Variants in CADM2 observed in about 807,000 individuals in gnomAD.
CADM2 encodes the protein immunoglobulin superfamily member 4D.
In CADM2, 12 loss-of-function variants were observed where a neutral mutation model predicts 49.8. The observed-to-expected ratio is 0.24, with a 90% CI of 0.15 to 0.39. The LOEUF (loss-of-function observed/expected upper bound fraction) is 0.39. CADM2 is among the 10% of genes least tolerant of loss of function. CADM2 has a pLI of 1.00. For missense variants in CADM2, 378 were observed against 492.3 expected, an observed-to-expected ratio of 0.77 and a Z score of 2.20; for synonymous variants, 214 against 175.4, an observed-to-expected ratio of 1.22 and a Z score of -1.74.
chr3:85,769,642 T>A (rs951793630), intron 2 of CADM2, among the ~76,000 whole-genome samples: 1 of 132,852 alleles, frequency 7.5e-6, no homozygotes, highest in Admixed American at 7.7e-5. Flanking sequence ...TACACATATA[T>A]ACATATATAC....
chr3:85,987,277 C>T (rs1408933000), intron 8 of CADM2, among the ~76,000 whole-genome samples: 2 of 152,012 alleles, frequency 1.3e-5, no homozygotes, highest in South Asian at 2.1e-4. Flanking sequence ...TAATTTAAAA[C>T]ATCAAACATT....
At chr3:85,468,573 G>T (rs2038624201) in intron 1 of CADM2, among the ~76,000 whole-genome samples, 1 of 138,978 alleles carries the variant, frequency 7.2e-6, no homozygotes, top group South Asian at 2.4e-4. Flanking sequence ...ACTTTTTAAA[G>T]AAATTACTGA....
chr3:85,872,368 T>G (rs2075962498), intron 3 of CADM2, among the ~76,000 whole-genome samples: 1 of 152,218 alleles, frequency 6.6e-6, no homozygotes, highest in Non-Finnish European at 1.5e-5. Context: ...TGAACCATTA[T>G]ATTTAATAAA....
rs115448582 is a variant in CADM2, at chr3:85,747,473, T to C, written c.88+20925T>C. Among the ~76,000 whole-genome samples, 1,158 of 152,192 alleles carry C rather than the reference T, an allele frequency of 7.6e-3. 11 individuals carry two copies. The highest frequency in any genetic ancestry group is 0.026 in the African/African-American group (1,099 of 41,530). The stretch of plus-strand genomic sequence containing the variant: ...AGAAGGAAAGAGTAAATAAGATACT[T>C]GTAGTACATGATGAGAGATTATTAG... On this transcript the variant is annotated intron_variant, in intron 2 of 9. Transcript: ENST00000383699.
chr3:85,314,565 G>A lies in CADM2; in HGVS notation c.61+354897G>A, dbSNP rs1459135629. On this transcript the variant is annotated intron_variant, in intron 1 of 9. Coordinates refer to ENST00000383699, the MANE Select transcript of CADM2 (RefSeq NM_001167675.2). Reference sequence around the variant, plus strand: ...TTATGGAGATGAAACAAAGAAACATGTGTAAATAATCTGATAAATGCTCAT... The same window carrying A: ...TTATGGAGATGAAACAAAGAAACATATGTAAATAATCTGATAAATGCTCAT... Among the ~76,000 whole-genome samples the A allele has an allele frequency of 3.3e-5, 5 of 152,122 alleles. No individual in the cohort carries two copies. In the East Asian group the frequency reaches 7.7e-4, roughly 23 times the overall value.
rs78407122 is a variant in CADM2, at chr3:85,886,900, T to C, written c.529+573T>C. Among the ~76,000 whole-genome samples, 1,141 of 152,224 alleles carry C rather than the reference T, an allele frequency of 7.5e-3. 24 individuals carry two copies. The highest frequency in any genetic ancestry group is 0.027 in the African/African-American group (1,102 of 41,550). ...TCTGTCACACACACACACTCAAACA[T>C]ACATTCTTTAGGAGGGGAATAAGTT... On this transcript the variant is annotated intron_variant, in intron 5 of 9. Transcript: ENST00000383699.
intron 1 of CADM2, among the ~76,000 whole-genome samples, chr3:85,413,007 G>T (rs1357652117): frequency 6.6e-6 from 1 of 151,306 alleles, no homozygotes; most frequent in Non-Finnish European, 1.5e-5. Flanking sequence ...CAGGCGAGGT[G>T]GCGGGCGCCT....
At chr3:85,857,579 G>A (rs567724678) in intron 3 of CADM2, among the ~76,000 whole-genome samples, 2 of 152,278 alleles carry the variant, frequency 1.3e-5, no homozygotes, top group Admixed American at 1.3e-4. Flanking sequence ...CTGGGCTCAA[G>A]TGATCCTCCC....
chr3:85,061,526 T>C (rs2036316864), intron 1 of CADM2, among the ~76,000 whole-genome samples: 1 of 152,168 alleles, frequency 6.6e-6, no homozygotes, highest in Non-Finnish European at 1.5e-5. Context: ...ATCGGGAGTA[T>C]TCCTAACTAT....
chr3:85,455,420 C>A (rs1258932105), intron 1 of CADM2, among the ~76,000 whole-genome samples: 1 of 152,106 alleles, frequency 6.6e-6, no homozygotes, highest in Non-Finnish European at 1.5e-5. Context: ...TTACATCCAC[C>A]CTACTGATGT....
At chr3:85,568,300 G>A (rs7623947) in intron 1 of CADM2, among the ~76,000 whole-genome samples, 132,918 of 152,154 alleles carry the variant, frequency 0.87, 58,204 homozygotes, top group East Asian at 0.95. Flanking sequence ...ACACAGTTTA[G>A]AGTGTATGAA....
intron 1 of CADM2, among the ~76,000 whole-genome samples, chr3:85,690,525 G>A (rs1338102347): frequency 1.3e-5 from 2 of 151,958 alleles, no homozygotes; most frequent in East Asian, 3.9e-4. Flanking sequence ...ACAAGAGAAG[G>A]ACATAAATGG....
At chr3:86,038,171 T>A (rs555466193) in intron 8 of CADM2, among the ~76,000 whole-genome samples, 1 of 152,282 alleles carries the variant, frequency 6.6e-6, no homozygotes, top group African/African-American at 2.4e-5. Flanking sequence ...AAAAGTTAGT[T>A]TTAGAAAAAA....
At chr3:85,685,225 C>A (rs2066167073) in intron 1 of CADM2, among the ~76,000 whole-genome samples, 1 of 152,258 alleles carries the variant, frequency 6.6e-6, no homozygotes, top group South Asian at 2.1e-4. Context: ...ATTTCAGACC[C>A]GTTGGTCTAA....
chr3:85,178,214 T>C, intron 1 of CADM2, among the ~76,000 whole-genome samples: 1 of 151,934 alleles, frequency 6.6e-6, no homozygotes, highest in East Asian at 1.9e-4. Context: ...TAACGCATAT[T>C]TCAATGACTC....
At chr3:85,298,588 A>G (rs2044022200) in intron 1 of CADM2, among the ~76,000 whole-genome samples, 1 of 152,120 alleles carries the variant, frequency 6.6e-6, no homozygotes, top group Admixed American at 6.6e-5. Flanking sequence ...GAAATTCAAG[A>G]GAGAGCTTCT....
At chr3:85,961,356 G>A (rs1724795877) in intron 7 of CADM2, 113 bp from the exon 8 acceptor site, 1 of 841,656 alleles carries the variant, frequency 1.2e-6, no homozygotes, top group South Asian at 2.2e-5. Context: ...ATAGAAGTTA[G>A]CATATGGTTG....
chr3:85,680,042 G>C (rs1315287272), intron 1 of CADM2, among the ~76,000 whole-genome samples: 1 of 151,904 alleles, frequency 6.6e-6, no homozygotes, highest in Non-Finnish European at 1.5e-5. Context: ...AAAACCCTTT[G>C]AATACTAAGA....
chr3:85,180,514 G>GAAAAAAA (rs58932967), intron 1 of CADM2, among the ~76,000 whole-genome samples: 13 of 77,234 alleles, frequency 1.7e-4, no homozygotes, highest in African/African-American at 2.4e-4. Context: ...GTCTCAAAAA[G>GAAAAAAA]AAAAAAAAAA....
Sources: gnomAD v4.1 joint callset for allele counts (sites outside exome capture counted in the v4.1 genomes callset) on GRCh38, gnomAD v4.1.1 for gene constraint, MANE v1.5 for transcripts, NCBI Gene and HGNC (gene_info 2026-07-23, HGNC 2026-07-21) for gene names.